Variants in PDE1C observed in about 807,000 individuals in gnomAD.
PDE1C encodes the protein dual specificity calcium/calmodulin-dependent 3',5'-cyclic nucleotide phosphodiesterase 1C.
Under a neutral mutation model 93.1 loss-of-function variants are expected in PDE1C, and 62 were observed. The ratio of observed to expected loss-of-function variants is 0.67; its 90% CI spans 0.54 to 0.82. PDE1C has a LOEUF of 0.82. Ranked by LOEUF, PDE1C falls within the 40% of genes least tolerant of loss-of-function variation. The probability of loss-of-function intolerance (pLI) is 0.00; values close to 1 mark genes in which losing one functional copy is unlikely to be tolerated. For synonymous variants in PDE1C, 325 were observed against 310.1 expected (o/e 1.05, Z -0.50); for missense variants, 742 against 884.6 (o/e 0.84, Z 2.04).
At chr7:32,259,592 A>G (rs1810050082) in intron 1 of PDE1C, among the ~76,000 whole-genome samples, 1 of 152,136 alleles carries the variant, frequency 6.6e-6, no homozygotes, top group Non-Finnish European at 1.5e-5. Flanking sequence ...TTAAAATCTC[A>G]TGGGTTTCTC....
At chr7:32,169,809 T>A in exon 3 of PDE1C, 1 of 1,612,680 alleles carries the variant, frequency 6.2e-7, no homozygotes, top group Non-Finnish European at 8.5e-7. Context: ...CACCAAGACT[T>A]CTGGGCTATC....
the PDE1C span, among the ~76,000 whole-genome samples, chr7:31,663,037 T>C: frequency 6.6e-6 from 1 of 152,142 alleles, no homozygotes; most frequent in Admixed American, 6.6e-5. Context: ...CAAATTCCTT[T>C]TCAAACCCTG....
chr7:32,307,395 G>T (rs1428743955), intron 1 of PDE1C, among the ~76,000 whole-genome samples: 1 of 152,148 alleles, frequency 6.6e-6, no homozygotes, highest in Non-Finnish European at 1.5e-5. Flanking sequence ...CAGAAACCAG[G>T]CATGGAATAA....
chr7:31,863,756 A>G (rs559501282), intron 7 of PDE1C, among the ~76,000 whole-genome samples: 21 of 152,336 alleles, frequency 1.4e-4, no homozygotes, highest in African/African-American at 5.1e-4. Flanking sequence ...TATTCTAACC[A>G]TCAGAGCACT....
At chr7:32,120,765 GAGAA>G (rs1799255735) in intron 3 of PDE1C, among the ~76,000 whole-genome samples, 2 of 152,102 alleles carry the variant, frequency 1.3e-5, no homozygotes, top group South Asian at 4.2e-4. Context: ...TCATGAAGAT[GAGAA>G]AGAATCAATG....
the PDE1C span, among the ~76,000 whole-genome samples, chr7:31,630,405 A>C: frequency 6.6e-6 from 1 of 152,164 alleles, no homozygotes; most frequent in Non-Finnish European, 1.5e-5. Context: ...GGCCTACTTA[A>C]ATGTGAAGTT....
At chr7:32,228,322 G>A (rs1807443896) in intron 1 of PDE1C, among the ~76,000 whole-genome samples, 1 of 152,214 alleles carries the variant, frequency 6.6e-6, no homozygotes, top group Non-Finnish European at 1.5e-5. Flanking sequence ...CAACTCAGGT[G>A]GCTGGAGCAC....
upstream of PDE1C, chr7:32,070,462 C>T: frequency 6.3e-7 from 1 of 1,586,120 alleles, no homozygotes; most frequent in East Asian, 2.3e-5. Context: ...CGTCTCCTCG[C>T]CCAGCTCGCG....
intron 2 of PDE1C, among the ~76,000 whole-genome samples, chr7:32,191,165 T>A (rs1804203752): frequency 6.6e-6 from 1 of 152,236 alleles, no homozygotes; most frequent in Non-Finnish European, 1.5e-5. Flanking sequence ...TTTTAATCAC[T>A]CCTTCTTTTG....
intron 2 of PDE1C, among the ~76,000 whole-genome samples, chr7:31,883,751 C>T (rs910742239): frequency 6.6e-6 from 1 of 152,200 alleles, no homozygotes; most frequent in African/African-American, 2.4e-5. Flanking sequence ...TCAGGGAAAG[C>T]TTCACTTAGA....
In PDE1C at chr7:32,127,154, T is replaced by G. The variant is rs182460466; in HGVS notation, c.308+42631A>C. On this transcript the variant is annotated intron_variant, in intron 3 of 18. Transcript: ENST00000396193. ...GCACTCAACTGAAACATCAGCTCTT[T>G]CTGGGTCTTTAGCCTGCCAGCCTTC... 8.8e-4 allele frequency among the ~76,000 whole-genome samples: 134 copies of G among 152,306 alleles called. 1 individual carries two copies. Among genetic ancestry groups the G allele is most frequent in the African/African-American group, 3.1e-3 (130 of 41,566 alleles).
chr7:32,039,808 A>G (rs1363759558), intron 2 of PDE1C, among the ~76,000 whole-genome samples: 1 of 152,216 alleles, frequency 6.6e-6, no homozygotes, highest in East Asian at 1.9e-4. Flanking sequence ...ATTTCCCAGT[A>G]AATATATTTT....
At chr7:31,835,633 T>C (rs551682799) in intron 11 of PDE1C, among the ~76,000 whole-genome samples, 11 of 151,654 alleles carry the variant, frequency 7.3e-5, no homozygotes, top group African/African-American at 2.7e-4. Flanking sequence ...AAACATCTCG[T>C]CCAACCTTAT....
At chr7:32,098,695 C>T (rs1310680872) in intron 3 of PDE1C, among the ~76,000 whole-genome samples, 1 of 152,190 alleles carries the variant, frequency 6.6e-6, no homozygotes, top group Non-Finnish European at 1.5e-5. Context: ...TCTGTTTATG[C>T]ACCCTGTGGA....
chr7:31,724,052 G>A, the PDE1C span, among the ~76,000 whole-genome samples: 1 of 152,160 alleles, frequency 6.6e-6, no homozygotes, highest in African/African-American at 2.4e-5. Context: ...TTTTATGTCT[G>A]AACTCAATGG....
At chr7:31,652,878 A>G in the PDE1C span, 1 of 1,565,106 alleles carries the variant, frequency 6.4e-7, no homozygotes, top group African/African-American at 1.4e-5. Context: ...GGCCCAGAAC[A>G]GATGTAGCAA....
chr7:32,253,822 G>A (rs1283277755), intron 1 of PDE1C, among the ~76,000 whole-genome samples: 1 of 152,158 alleles, frequency 6.6e-6, no homozygotes, highest in African/African-American at 2.4e-5. Context: ...CCACTCTAAG[G>A]TCAGAGGACA....
rs192815240 is a variant in PDE1C at position 32,043,871 on chromosome 7, G to A, written c.128+7683C>T. 1.7e-4 allele frequency among the ~76,000 whole-genome samples: 26 copies of A among 152,322 alleles called. 1 individual carries two copies. In the South Asian group the frequency reaches 2.5e-3, roughly 15 times the overall value. ...GTGTGAGGGTCAAATGAGAGTCTACGTGTGGGAGTATGCAGTGAACTGCAA... is the reference window on the plus strand; with the variant it reads ...GTGTGAGGGTCAAATGAGAGTCTACATGTGGGAGTATGCAGTGAACTGCAA... On this transcript the variant is annotated intron_variant, in intron 2 of 17. Coordinates refer to ENST00000396191, the MANE Select transcript of PDE1C (RefSeq NM_001191057.4).
intron 2 of PDE1C, among the ~76,000 whole-genome samples, chr7:32,191,490 C>A (rs1804227466): frequency 6.6e-6 from 1 of 152,022 alleles, no homozygotes; most frequent in Non-Finnish European, 1.5e-5. Context: ...CAATATGTAA[C>A]CTTAGGGGAC....
Sources: gnomAD v4.1 joint callset for allele counts (sites outside exome capture counted in the v4.1 genomes callset) on GRCh38, gnomAD v4.1.1 for gene constraint, MANE v1.5 for transcripts, NCBI Gene and HGNC (gene_info 2026-07-23, HGNC 2026-07-21) for gene names.